ELMO1: variants seen among roughly 807,000 people sequenced by gnomAD.
ELMO1 encodes engulfment and cell motility protein 1.
In ELMO1, 26 loss-of-function variants were observed where a neutral mutation model predicts 98.9. That is an observed-to-expected ratio of 0.26 (90% CI 0.19 to 0.36). The LOEUF (loss-of-function observed/expected upper bound fraction) is 0.36, where lower values mean the gene tolerates loss of function less well. ELMO1 is among the 10% of genes least tolerant of loss of function. ELMO1 has a pLI of 1.00. For synonymous variants in ELMO1, 346 were observed against 346.0 expected (o/e 1.00, Z 0.00); for missense variants, 627 against 935.2 (o/e 0.67, Z 4.30).
At chr7:37,111,729 T>C (rs1037875075) in intron 14 of ELMO1, among the ~76,000 whole-genome samples, 1 of 152,236 alleles carries the variant, frequency 6.6e-6, no homozygotes, top group Non-Finnish European at 1.5e-5. Flanking sequence ...AAAATGTTCA[T>C]AACCATAGCC....
chr7:36,972,753 T>C (rs1790080852), intron 16 of ELMO1, among the ~76,000 whole-genome samples: 1 of 152,208 alleles, frequency 6.6e-6, no homozygotes, highest in African/African-American at 2.4e-5. Context: ...AGGACTTCAA[T>C]CTATATATCT....
intron 11 of ELMO1, among the ~76,000 whole-genome samples, chr7:37,213,755 A>G (rs886538184): frequency 6.6e-6 from 1 of 152,140 alleles, no homozygotes; most frequent in Non-Finnish European, 1.5e-5. Context: ...ATGTGCTTGA[A>G]ATGGGGGTGT....
chr7:37,123,406 G>T (rs1459138888), intron 14 of ELMO1, among the ~76,000 whole-genome samples: 1 of 152,004 alleles, frequency 6.6e-6, no homozygotes, highest in Non-Finnish European at 1.5e-5. Flanking sequence ...TAATAAAGAA[G>T]AAAAGAGAGA....
In ELMO1 at chr7:37,342,918, T is replaced by C. The variant is rs527564206; in HGVS notation, c.-73-155A>G. Reference sequence around the variant, plus strand: ...GAAGGTGCAGGGGCACAGCCAACGGTACAATGGGCTCCTGAGGAAAGAAGA... The same window carrying C: ...GAAGGTGCAGGGGCACAGCCAACGGCACAATGGGCTCCTGAGGAAAGAAGA... On this transcript the variant is annotated intron_variant, in intron 1 of 21. Coordinates refer to ENST00000310758, the MANE Select transcript of ELMO1 (RefSeq NM_014800.11). This position sits in a 1 kb window ranked among gnomAD's most constrained non-coding sequence, Gnocchi z 4.3. The C allele has an allele frequency of 3.0e-5, 14 of 464,532 alleles. No homozygotes were observed. The East Asian group carries it at 5.3e-4, about 18-fold the overall frequency. 28.8% of individuals were successfully genotyped at this position (464,532 alleles called of 1,614,324 possible). A position where few individuals can be genotyped will look rare whatever the true frequency, so the allele number is the denominator to read the frequency against.
At chr7:37,106,923 G>T (rs1784980772) in intron 14 of ELMO1, among the ~76,000 whole-genome samples, 1 of 152,168 alleles carries the variant, frequency 6.6e-6, no homozygotes, top group Non-Finnish European at 1.5e-5. Flanking sequence ...GTAGGTGTGG[G>T]TTGGGACCTG....
intron 20 of ELMO1, among the ~76,000 whole-genome samples, chr7:36,868,326 GCTTCTT>G (rs201784212): frequency 1.3e-3 from 183 of 138,040 alleles, no homozygotes; most frequent in Admixed American, 2.9e-3. Flanking sequence ...GCTTTGTTCT[GCTTCTT>G]CTTCTTCTTC....
chr7:37,038,068 T>A (rs73121104), intron 15 of ELMO1, among the ~76,000 whole-genome samples: 142 of 152,270 alleles, frequency 9.3e-4, no homozygotes, highest in Non-Finnish European at 1.8e-3. Flanking sequence ...ATTCCTTAGC[T>A]GTCTCTGTGG....
intron 4 of ELMO1, among the ~76,000 whole-genome samples, chr7:37,290,942 G>T (rs566236602): frequency 6.6e-6 from 1 of 152,030 alleles, no homozygotes; most frequent in African/African-American, 2.4e-5. Context: ...AAGAAGAGAA[G>T]AGAAAGAGGA....
intron 16 of ELMO1, among the ~76,000 whole-genome samples, chr7:36,922,170 A>G (rs1030762173): frequency 4.6e-5 from 7 of 152,134 alleles, no homozygotes; most frequent in African/African-American, 1.7e-4. Flanking sequence ...AAGGAGAGGA[A>G]GCGGATTGAA....
chr7:37,087,803 T>G (rs1783867725), intron 15 of ELMO1, among the ~76,000 whole-genome samples: 2 of 152,146 alleles, frequency 1.3e-5, no homozygotes, highest in South Asian at 4.1e-4. Flanking sequence ...ACCCCAATTT[T>G]TAGGGGAAGT....
At chr7:37,087,500 A>T (rs966380603) in intron 15 of ELMO1, among the ~76,000 whole-genome samples, 1 of 152,032 alleles carries the variant, frequency 6.6e-6, no homozygotes, top group African/African-American at 2.4e-5. Context: ...TATATTAAAT[A>T]TTATGAAACA....
At chr7:37,058,685 G>A (rs1796516196) in intron 15 of ELMO1, among the ~76,000 whole-genome samples, 1 of 152,074 alleles carries the variant, frequency 6.6e-6, no homozygotes, top group African/African-American at 2.4e-5. Flanking sequence ...GAATCTCAAT[G>A]CAGGAAGCCC....
intron 13 of ELMO1, among the ~76,000 whole-genome samples, chr7:37,149,162 AG>A (rs1444372760): frequency 6.6e-6 from 1 of 152,244 alleles, no homozygotes; most frequent in Non-Finnish European, 1.5e-5. Flanking sequence ...AGGCATGCAG[AG>A]ATTTCTCCAG....
intron 1 of ELMO1, among the ~76,000 whole-genome samples, chr7:37,399,252 A>G (rs187393529): frequency 1.1e-3 from 172 of 152,352 alleles, no homozygotes; most frequent in African/African-American, 3.7e-3. Flanking sequence ...GAAGGGAGAC[A>G]GAGATGGGAG....
At chr7:37,087,344 T>C (rs1426434189) in intron 15 of ELMO1, among the ~76,000 whole-genome samples, 1 of 152,162 alleles carries the variant, frequency 6.6e-6, no homozygotes, top group Non-Finnish European at 1.5e-5. Context: ...ATAATCAGCA[T>C]CATATAGCAT....
intron 6 of ELMO1, among the ~76,000 whole-genome samples, chr7:37,251,140 T>TA (rs1795327376): frequency 6.6e-6 from 1 of 152,198 alleles, no homozygotes; most frequent in Admixed American, 6.5e-5. Flanking sequence ...ACATTGGACT[T>TA]AAGAGTTGTG....
intron 15 of ELMO1, among the ~76,000 whole-genome samples, chr7:37,073,651 C>T (rs80217699): frequency 1.5e-3 from 227 of 151,272 alleles, no homozygotes; most frequent in Non-Finnish European, 2.7e-3. Context: ...GGCTAGAGTA[C>T]GGTGGCACTG....
At chr7:37,239,685 G>A (rs1794659342) in intron 7 of ELMO1, among the ~76,000 whole-genome samples, 1 of 150,818 alleles carries the variant, frequency 6.6e-6, no homozygotes, top group South Asian at 2.1e-4. Flanking sequence ...TCTGATGCCT[G>A]CGAAGGGAAG....
At chr7:37,208,750 G>T (rs1256007695) in intron 13 of ELMO1, among the ~76,000 whole-genome samples, 2 of 152,158 alleles carry the variant, frequency 1.3e-5, no homozygotes. Context: ...CTTGTCAAAA[G>T]TTACTGGATC....
Sources: allele counts gnomAD v4.1 joint callset (sites outside exome capture counted in the v4.1 genomes callset), GRCh38; gene constraint gnomAD v4.1.1; non-coding constraint Gnocchi (gnomAD v3.1); transcripts MANE v1.5; gene names NCBI Gene and HGNC (gene_info 2026-07-23, HGNC 2026-07-21).